The following HMGA1 variants were observed in gnomAD, a reference collection of about 807,000 sequenced individuals.
The protein encoded by HMGA1 is high mobility group protein HMG-I/HMG-Y.
In HMGA1, 1 loss-of-function variant was observed where a neutral mutation model predicts 15.1. The observed-to-expected ratio is 0.07, with a 90% CI of 0.02 to 0.31. The LOEUF (loss-of-function observed/expected upper bound fraction) is 0.31, where lower values mean the gene tolerates loss of function less well. HMGA1 is among the 10% of genes least tolerant of loss of function. The pLI is 1.00. For synonymous variants in HMGA1, 56 were observed against 54.8 expected (o/e 1.02, Z -0.10); for missense variants, 94 against 141.4 (o/e 0.66, Z 1.70).
At chr6:34,244,127 C>G (rs1435254087) in intron 5 of HMGA1, among the ~76,000 whole-genome samples, 6 of 151,204 alleles carry the variant, frequency 4.0e-5, no homozygotes, top group Non-Finnish European at 7.4e-5. Flanking sequence ...AGCCTGCCCC[C>G]TCAAATCCCT....
chr6:34,240,288 T>C (rs1219903836), intron 2 of HMGA1, among the ~76,000 whole-genome samples: 1 of 152,186 alleles, frequency 6.6e-6, no homozygotes, highest in African/African-American at 2.4e-5. Flanking sequence ...TCTCATTCTT[T>C]CCATTTTCCC....
intron 2 of HMGA1, among the ~76,000 whole-genome samples, chr6:34,238,304 G>C (rs1043803391): frequency 6.6e-6 from 1 of 152,134 alleles, no homozygotes; most frequent in Non-Finnish European, 1.5e-5. Flanking sequence ...TGCAACGGCC[G>C]GGCGCAGACA....
intron 5 of HMGA1, among the ~76,000 whole-genome samples, chr6:34,244,542 CAT>C: frequency 6.6e-6 from 1 of 152,338 alleles, no homozygotes; most frequent in South Asian, 2.1e-4. Context: ...TCCTGAAGCT[CAT>C]TGCTGCCCTG....
intron 2 of HMGA1, among the ~76,000 whole-genome samples, chr6:34,238,372 A>G (rs1245966693): frequency 1.3e-5 from 2 of 152,172 alleles, no homozygotes; most frequent in South Asian, 2.1e-4. Context: ...GTTTAGCCCT[A>G]GCCGCTAGGC....
rs372916711 is a variant in HMGA1 at position 34,243,408 on chromosome 6, G to A, written c.220-60G>A. The A allele has an allele frequency of 8.3e-6, 11 of 1,319,068 alleles. No homozygotes were observed. In the African/African-American group the frequency reaches 1.0e-4, roughly 12 times the overall value. The allele number at this position is 1,319,068 out of a possible 1,614,324, so 81.7% of individuals were successfully genotyped here. On this transcript the variant is annotated intron_variant, in intron 4 of 5. Transcript: ENST00000311487. ...TAGGTCTGCCCCCCATCACTATTGGGCATCGGGTGAGCACTGATGAGCATT... is the reference window on the plus strand; with the variant it reads ...TAGGTCTGCCCCCCATCACTATTGGACATCGGGTGAGCACTGATGAGCATT...
At chr6:34,244,489 C>T (rs1762559584) in intron 5 of HMGA1, among the ~76,000 whole-genome samples, 1 of 152,120 alleles carries the variant, frequency 6.6e-6, no homozygotes, top group Admixed American at 6.5e-5. Flanking sequence ...CCCCCAGCCA[C>T]CTCTTCCCCC....
intron 4 of HMGA1, 145 bp downstream of exon 4, chr6:34,242,940 T>A: frequency 1.4e-6 from 1 of 706,340 alleles, no homozygotes; most frequent in Non-Finnish European, 2.6e-6. Context: ...GGGATGGCAG[T>A]GAGTCTTTGC....
At chr6:34,244,769 C>G (rs1762597286) in intron 5 of HMGA1, 62 bp from the exon 6 acceptor site, 4 of 1,421,534 alleles carry the variant, frequency 2.8e-6, no homozygotes, top group African/African-American at 1.4e-5. Flanking sequence ...GTGGGGCCAG[C>G]CTCTGGGGGT....
At chr6:34,243,578 G>C (rs1269572208) in intron 5 of HMGA1, 60 bp downstream of exon 5, 1 of 1,330,190 alleles carries the variant, frequency 7.5e-7, no homozygotes, top group African/African-American at 1.4e-5. Context: ...AGGGTGTTGA[G>C]TACACAGTAC....
intron 2 of HMGA1, among the ~76,000 whole-genome samples, chr6:34,237,557 G>T (rs1041283492): frequency 4.1e-4 from 60 of 145,550 alleles, no homozygotes; most frequent in African/African-American, 1.2e-3. Context: ...GGCGCCCTGC[G>T]GGGGGCGGGG....
rs999874702 is a variant in HMGA1, at chr6:34,244,947, C to T, written c.*63C>T. ...TTCCTTCTGGGACTGGACAGCTTTG[C>T]TCCGCTCCCACCGCCCCCACCCCTT... On this transcript the variant is annotated 3_prime_UTR_variant, in exon 6 of 6. Transcript: ENST00000311487. 1.5e-5 allele frequency: 23 copies of T among 1,547,720 alleles called. No homozygotes were observed. The highest frequency in any genetic ancestry group is 4.1e-5 in the African/African-American group (3 of 72,816).
intron 3 of HMGA1, 31 bp downstream of exon 3, chr6:34,240,946 T>G: frequency 6.2e-7 from 1 of 1,613,244 alleles, no homozygotes; most frequent in Non-Finnish European, 8.5e-7. Context: ...TTCACTTGGT[T>G]TACCCTTTGG....
At chr6:34,239,415 T>A (rs1339354742) in intron 2 of HMGA1, among the ~76,000 whole-genome samples, 1 of 152,174 alleles carries the variant, frequency 6.6e-6, no homozygotes, top group Non-Finnish European at 1.5e-5. Context: ...GGCCCATAAA[T>A]CATTTTCAAA....
At chr6:34,238,676 A>G (rs1762037855) in intron 2 of HMGA1, 2 of 152,258 alleles carry the variant, frequency 1.3e-5, no homozygotes, top group African/African-American at 4.8e-5. Flanking sequence ...TAGTTCCTCC[A>G]AGACAGGCCT....
At chr6:34,237,794 C>A (rs911602837) in intron 2 of HMGA1, among the ~76,000 whole-genome samples, 68 of 151,786 alleles carry the variant, frequency 4.5e-4, no homozygotes, top group Non-Finnish European at 8.0e-4. Context: ...CAGGGAAGTT[C>A]TGGAAGTGAG....
At chr6:34,237,934 C>T (rs1036392661) in intron 2 of HMGA1, among the ~76,000 whole-genome samples, 1 of 152,176 alleles carries the variant, frequency 6.6e-6, no homozygotes, top group South Asian at 2.1e-4. Context: ...CTGGCCTGGC[C>T]CGCGCCTCTT....
chr6:34,241,199 C>A lies in HMGA1; in HGVS notation c.135+284C>A, dbSNP rs760096327. On this transcript the variant is annotated intron_variant, in intron 3 of 5. Coordinates refer to ENST00000311487, the MANE Select transcript of HMGA1 (RefSeq NM_145899.3). The stretch of plus-strand genomic sequence containing the variant: ...TAAAGCACCCCAGAGGTCACATGGC[C>A]AGTGCTTAAAACACTCGCCTTTTTC... Among the ~76,000 whole-genome samples the A allele has an allele frequency of 3.9e-5, 6 of 152,304 alleles. No individual in the cohort carries two copies. The East Asian group carries it at 9.6e-4, about 24-fold the overall frequency.
At chr6:34,244,610 C>T (rs1762573007) in intron 5 of HMGA1, among the ~76,000 whole-genome samples, 1 of 152,176 alleles carries the variant, frequency 6.6e-6, no homozygotes, top group Non-Finnish European at 1.5e-5. Flanking sequence ...TGGCTCCTGG[C>T]TCTGGGTGAG....
At chr6:34,243,239 C>G (rs1271313207) in intron 4 of HMGA1, among the ~76,000 whole-genome samples, 1 of 152,008 alleles carries the variant, frequency 6.6e-6, no homozygotes, top group African/African-American at 2.4e-5. Context: ...TAAGACACGA[C>G]TCATATCCTC....
Sources: allele counts gnomAD v4.1 joint callset (sites outside exome capture counted in the v4.1 genomes callset), GRCh38; gene constraint gnomAD v4.1.1; transcripts MANE v1.5; gene names NCBI Gene and HGNC (gene_info 2026-07-23, HGNC 2026-07-21).